WDFY3: variants seen among roughly 807,000 people sequenced by gnomAD.
The protein encoded by WDFY3 is WD repeat and FYVE domain-containing protein 3.
Under a neutral mutation model 409.6 loss-of-function variants are expected in WDFY3, and 66 were observed. The ratio of observed to expected loss-of-function variants is 0.16; its 90% CI spans 0.13 to 0.20. The LOEUF is 0.20. Among genes scored for constraint, WDFY3 ranks in the 10% least tolerant of loss-of-function variants. The pLI is 1.00. For missense variants in WDFY3, 3,031 were observed against 4,298.1 expected, an observed-to-expected ratio of 0.71 and a Z score of 8.24; for synonymous variants, 1,521 against 1,537.1, an observed-to-expected ratio of 0.99 and a Z score of 0.25.
chr4:84,781,712 T>C (rs1008238223), intron 25 of WDFY3, among the ~76,000 whole-genome samples: 1 of 152,174 alleles, frequency 6.6e-6, no homozygotes, highest in African/African-American at 2.4e-5. Context: ...AACCTAAGTC[T>C]CTGAACTTAC....
chr4:84,952,448 A>G (rs1263434183), intron 1 of WDFY3, among the ~76,000 whole-genome samples: 1 of 152,214 alleles, frequency 6.6e-6, no homozygotes, highest in African/African-American at 2.4e-5. Flanking sequence ...TTGACCAGGT[A>G]CAATGTACCA....
chr4:84,708,891 A>C lies in WDFY3; in HGVS notation c.8217+18T>G. On this transcript the variant is annotated intron_variant, in intron 53 of 67. Coordinates refer to ENST00000295888, the MANE Select transcript of WDFY3 (RefSeq NM_014991.6). ...TTTGAAAATGTGTTCTACGTAAGCA[A>C]AATGACTTAAGATTTACCTCTGAGT... 6.2e-7 allele frequency: 1 copy of C among 1,608,878 alleles called. No homozygotes were observed. Among genetic ancestry groups the C allele is most frequent in the Non-Finnish European group, 8.5e-7 (1 of 1,177,782 alleles).
chr4:84,679,060 C>A lies in WDFY3; in HGVS notation c.10006G>T (p.Asp3336Tyr). ...TCTTTCTCATCTAGACTGAGCTGGT[C>A]GGACCAGCGTCTGGAGTCGTCAGAG... ...SGSDDSRRWS[D>Y]QLSLDEKDGF... The change falls in exon 65 of 68, where the codon GAC becomes TAC. Residue 3336 changes from aspartate (D) to tyrosine (Y), a missense_variant. Asp to Tyr is a radical substitution (Grantham distance 160). Around this residue, in one of 16 missense-constraint regions of WDFY3, gnomAD observed 378 missense variants for 477.3 expected, o/e 0.79. Transcript: ENST00000295888. 1 of 1,614,146 alleles carries A rather than the reference C, an allele frequency of 6.2e-7. No individual in the cohort carries two copies. The highest frequency in any genetic ancestry group is 8.5e-7 in the Non-Finnish European group (1 of 1,180,020).
intron 5 of WDFY3, among the ~76,000 whole-genome samples, chr4:84,843,520 A>G (rs146007224): frequency 8.6e-4 from 131 of 152,170 alleles, no homozygotes; most frequent in Admixed American, 2.5e-3. Context: ...TCAGTCCCCC[A>G]TGTAGCTGGG....
rs112211795 is a variant in WDFY3, at chr4:84,702,387, T to C, written c.8562A>G (p.Pro2854=). ...KELIPEFFYL[P]EFLFNSNNFD... is the part of the protein sequence containing the mutation. ...AGTTGTTGGAATTGAACAGGAATTC[T>C]GGTAAATAAAAGAACTCTGGGATAA... Residue 2854 remains proline, a synonymous_variant, in exon 56 of 68, where the codon CCA becomes CCG. Coordinates refer to ENST00000295888, the MANE Select transcript of WDFY3 (RefSeq NM_014991.6). 31 of 1,612,880 alleles carry C rather than the reference T, an allele frequency of 1.9e-5. 1 individual carries two copies. The Admixed American group carries it at 3.4e-4, about 17-fold the overall frequency.
chr4:84,669,764 T>G lies in WDFY3; in HGVS notation c.*3104A>C, dbSNP rs571303038. On this transcript the variant is annotated 3_prime_UTR_variant, in exon 68 of 68. Coordinates refer to ENST00000295888, the MANE Select transcript of WDFY3 (RefSeq NM_014991.6). ...GAAACAGATATTGGTTTCTGCAATA[T>G]AGTATAAAAGTCCACAATCAATCCA... 1 of 149,998 alleles carries G rather than the reference T, an allele frequency of 6.7e-6. No homozygotes were observed. Among genetic ancestry groups the G allele is most frequent in the Admixed American group, 6.7e-5 (1 of 14,888 alleles). 9.3% of individuals were successfully genotyped at this position (149,998 alleles called of 1,614,324 possible).
chr4:84,746,369 A>T (rs565432603), intron 36 of WDFY3, among the ~76,000 whole-genome samples: 9 of 152,184 alleles, frequency 5.9e-5, no homozygotes, highest in Admixed American at 3.9e-4. Context: ...GTGGTTAATG[A>T]GATTAGTAAT....
intron 3 of WDFY3, among the ~76,000 whole-genome samples, chr4:84,861,182 G>A (rs1760578542): frequency 6.6e-6 from 1 of 152,104 alleles, no homozygotes; most frequent in African/African-American, 2.4e-5. Context: ...CTGCATTTCA[G>A]CTTGGGTGAC....
At chr4:84,771,018 A>C (rs976544196) in intron 30 of WDFY3, among the ~76,000 whole-genome samples, 2 of 152,214 alleles carry the variant, frequency 1.3e-5, no homozygotes, top group African/African-American at 4.8e-5. Context: ...AAAATTTACT[A>C]ATTTATACAT....
chr4:84,712,082 G>A (rs1366976057), intron 51 of WDFY3, among the ~76,000 whole-genome samples: 1 of 151,992 alleles, frequency 6.6e-6, no homozygotes, highest in Non-Finnish European at 1.5e-5. Flanking sequence ...CCAGCGCTTT[G>A]AGGGGCCAAG....
intron 49 of WDFY3, among the ~76,000 whole-genome samples, chr4:84,715,812 T>C (rs1248312425): frequency 6.7e-6 from 1 of 150,058 alleles, no homozygotes; most frequent in Admixed American, 6.6e-5. Context: ...GTTAATTTGC[T>C]AACACTTTTA....
intron 1 of WDFY3, among the ~76,000 whole-genome samples, chr4:84,964,641 T>C (rs1775394405): frequency 6.6e-6 from 1 of 152,230 alleles, no homozygotes. Context: ...ACATTGTATT[T>C]TCTAACTTAT....
intron 47 of WDFY3, among the ~76,000 whole-genome samples, chr4:84,721,016 G>C (rs1298502134): frequency 6.6e-6 from 1 of 152,190 alleles, no homozygotes; most frequent in African/African-American, 2.4e-5. Flanking sequence ...TCCAAGGCTG[G>C]AGGTGACAGT....
chr4:84,683,974 A>G lies in WDFY3; in HGVS notation c.9695T>C (p.Ile3232Thr). ...CACTCCATCTGAGTGTCCTGTCACT[A>G]TGACGTTCTGCGTGTCCCATTCGTT... is the stretch of plus-strand genomic sequence containing the variant. ...EMNEWDTQNV[I>T]VTGHSDGVVR... The change falls in exon 63 of 68, where the codon ATA becomes ACA. Residue 3232 changes from isoleucine to threonine, a missense_variant. Ile to Thr is a moderately conservative substitution (Grantham distance 89). Coordinates refer to ENST00000295888, the MANE Select transcript of WDFY3 (RefSeq NM_014991.6). The G allele has an allele frequency of 6.2e-7, 1 of 1,610,158 alleles. No individual in the cohort carries two copies. The highest frequency in any genetic ancestry group is 1.1e-5 in the South Asian group (1 of 90,892).
chr4:84,936,626 G>A (rs1363266649), intron 1 of WDFY3, among the ~76,000 whole-genome samples: 1 of 151,996 alleles, frequency 6.6e-6, no homozygotes, highest in African/African-American at 2.4e-5. Context: ...AAAGTAGCCA[G>A]TTAAACTAAA....
At chr4:84,935,974 A>G (rs1579198717) in intron 1 of WDFY3, among the ~76,000 whole-genome samples, 1 of 152,204 alleles carries the variant, frequency 6.6e-6, no homozygotes, top group African/African-American at 2.4e-5. Context: ...GACATTTTAC[A>G]TATTTTTACT....
At chr4:84,855,666 A>C (rs1759661066) in intron 4 of WDFY3, among the ~76,000 whole-genome samples, 1 of 152,242 alleles carries the variant, frequency 6.6e-6, no homozygotes, top group African/African-American at 2.4e-5. Flanking sequence ...TCTAAAATTA[A>C]GTCAGACTAT....
At chr4:84,860,099 A>C (rs1402532847) in intron 4 of WDFY3, among the ~76,000 whole-genome samples, 1 of 152,194 alleles carries the variant, frequency 6.6e-6, no homozygotes, top group Non-Finnish European at 1.5e-5. Context: ...TAACAGAAAT[A>C]ACACAATTGA....
intron 61 of WDFY3, 108 bp from the exon 62 acceptor site, chr4:84,688,373 G>T: frequency 9.1e-7 from 1 of 1,104,684 alleles, no homozygotes. Context: ...CGCATGCTAG[G>T]TAGTAGGTGA....
Sources: allele counts gnomAD v4.1 joint callset (sites outside exome capture counted in the v4.1 genomes callset), GRCh38; gene constraint gnomAD v4.1.1; regional missense constraint gnomAD v4.1.1; transcripts MANE v1.5; gene names NCBI Gene and HGNC (gene_info 2026-07-23, HGNC 2026-07-21).